Variants in RYR3 observed in about 807,000 individuals in gnomAD.
RYR3 encodes brain ryanodine receptor-calcium release channel.
In RYR3, 207 loss-of-function variants were observed where a neutral mutation model predicts 584.3. The ratio of observed to expected loss-of-function variants is 0.35; its 90% CI spans 0.32 to 0.40. The LOEUF (loss-of-function observed/expected upper bound fraction) is 0.40, where lower values mean the gene tolerates loss of function less well. RYR3 is among the 10% of genes least tolerant of loss of function. The pLI is 1.00. For missense variants in RYR3, 5,616 were observed against 6,089.2 expected, an observed-to-expected ratio of 0.92 and a Z score of 2.59; for synonymous variants, 2,416 against 2,248.5, an observed-to-expected ratio of 1.07 and a Z score of -2.11.
intron 1 of RYR3, among the ~76,000 whole-genome samples, chr15:33,404,374 T>C (rs1204748835): frequency 4.6e-5 from 7 of 152,222 alleles, no homozygotes; most frequent in Non-Finnish European, 7.3e-5. Flanking sequence ...AGCTGTTAAG[T>C]AACTTGGCCA....
intron 3 of RYR3, among the ~76,000 whole-genome samples, chr15:33,512,674 A>G (rs2053140190): frequency 1.3e-5 from 2 of 152,218 alleles, no homozygotes; most frequent in African/African-American, 4.8e-5. Context: ...TGCTGTGGAC[A>G]TTGGAATGCT....
In RYR3 at chr15:33,553,741, G is replaced by A. The variant is rs578124352; in HGVS notation, c.972+3425G>A. 2.6e-5 allele frequency among the ~76,000 whole-genome samples: 4 copies of A among 152,268 alleles called. No homozygotes were observed. The South Asian group carries it at 8.3e-4, about 32-fold the overall frequency. On this transcript the variant is annotated intron_variant, in intron 10 of 103. Coordinates refer to ENST00000634891, the MANE Select transcript of RYR3 (RefSeq NM_001036.6). ...CTTATCCCTTTGATCTGAGAGTGGT[G>A]TTGTGTAAGACAAAGCCTGGCTTCA...
chr15:33,659,204 G>A (rs546023191), intron 32 of RYR3, among the ~76,000 whole-genome samples: 15 of 152,286 alleles, frequency 9.8e-5, no homozygotes, highest in Admixed American at 2.0e-4. Flanking sequence ...CTGAAATGTC[G>A]GCAGTGCCAA....
chr15:33,729,685 C>T (rs1005075357), intron 47 of RYR3, among the ~76,000 whole-genome samples: 1 of 151,932 alleles, frequency 6.6e-6, no homozygotes, highest in Non-Finnish European at 1.5e-5. Context: ...AGCTCAGATA[C>T]GAGATGCCAC....
intron 38 of RYR3, among the ~76,000 whole-genome samples, chr15:33,675,666 T>C (rs2064130927): frequency 6.6e-6 from 1 of 152,178 alleles, no homozygotes; most frequent in Non-Finnish European, 1.5e-5. Flanking sequence ...ACTTACCTCA[T>C]TGGGTTGATA....
At chr15:33,692,281 G>C (rs2065489750) in intron 38 of RYR3, among the ~76,000 whole-genome samples, 1 of 152,156 alleles carries the variant, frequency 6.6e-6, no homozygotes, top group Admixed American at 6.5e-5. Flanking sequence ...GGGGTATAAA[G>C]CTCCATTTTC....
intron 60 of RYR3, 107 bp from the exon 61 acceptor site, chr15:33,768,551 A>T: frequency 1.0e-6 from 1 of 959,934 alleles, no homozygotes; most frequent in Non-Finnish European, 1.7e-6. Context: ...CTAGAATGCC[A>T]CTCTGTGCTC....
intron 42 of RYR3, among the ~76,000 whole-genome samples, chr15:33,701,397 GAT>G (rs762692473): frequency 1.3e-4 from 20 of 152,140 alleles, no homozygotes; most frequent in Non-Finnish European, 2.4e-4. Flanking sequence ...GTAATTTACA[GAT>G]TTATAAATCT....
At chr15:33,544,862 G>A (rs534378244) in intron 8 of RYR3, among the ~76,000 whole-genome samples, 5 of 118,266 alleles carry the variant, frequency 4.2e-5, no homozygotes, top group African/African-American at 1.1e-4. Context: ...CTGGTCCGGC[G>A]GTTGATAGTT....
chr15:33,534,260 G>T (rs895844082), intron 5 of RYR3, among the ~76,000 whole-genome samples: 6 of 152,186 alleles, frequency 3.9e-5, no homozygotes, highest in Admixed American at 3.3e-4. Context: ...AATTAGCTGG[G>T]TGTGGTGGCA....
In RYR3 at chr15:33,613,326, A is replaced by C. The variant is rs1233547912; in HGVS notation, c.2308A>C (p.Asn770His). ...QPVQGMFENF[N>H]TDGLFFPVMS... is the part of the protein sequence containing the mutation. Reference sequence around the variant, plus strand: ...CGTGCAGGGGATGTTTGAGAACTTCAACACAGACGGGCTCTTCTTCCCTGT... The same window carrying C: ...CGTGCAGGGGATGTTTGAGAACTTCCACACAGACGGGCTCTTCTTCCCTGT... Residue 770 changes from asparagine to histidine, a missense_variant, in exon 19 of 104, where the codon AAC becomes CAC. Asn to His is a moderately conservative substitution (Grantham distance 68). Coordinates refer to ENST00000634891, the MANE Select transcript of RYR3 (RefSeq NM_001036.6). 2 of 1,613,526 alleles carry C rather than the reference A, an allele frequency of 1.2e-6. No homozygotes were observed. The highest frequency in any genetic ancestry group is 1.7e-6 in the Non-Finnish European group (2 of 1,179,668).
chr15:33,634,563 C>T (rs745473857), intron 24 of RYR3, 23 bp from the exon 25 acceptor site: 1 of 1,613,192 alleles, frequency 6.2e-7, no homozygotes, highest in Non-Finnish European at 8.5e-7. Flanking sequence ...TTCTTGGCAC[C>T]TTTTTTCTCT....
intron 2 of RYR3, among the ~76,000 whole-genome samples, chr15:33,475,810 G>C (rs112106850): frequency 1.3e-5 from 2 of 152,182 alleles, no homozygotes; most frequent in Non-Finnish European, 2.9e-5. Flanking sequence ...AAATGGGTTC[G>C]TAAATCGCCT....
At chr15:33,840,950 G>A (rs2078324508) in intron 90 of RYR3, 67 bp downstream of exon 90, 1 of 1,425,610 alleles carries the variant, frequency 7.0e-7, no homozygotes, top group Non-Finnish European at 9.8e-7. Flanking sequence ...AGGCAGAGTG[G>A]CTCGCACCTG....
chr15:33,801,938 G>A lies in RYR3; in HGVS notation c.9988G>A (p.Asp3330Asn). 6.3e-7 allele frequency: 1 copy of A among 1,594,212 alleles called. No homozygotes were observed. The highest frequency in any genetic ancestry group is 8.6e-7 in the Non-Finnish European group (1 of 1,167,126). The change falls in exon 69 of 104, where the codon GAC becomes AAC. Residue 3330 changes from aspartate to asparagine, a missense_variant. Asp to Asn is a conservative substitution (Grantham distance 23). Coordinates refer to ENST00000634891, the MANE Select transcript of RYR3 (RefSeq NM_001036.6). Reference protein sequence around the residue: ...EINNLAFLTGDSKSKMSKAMQ... With the variant: ...EINNLAFLTGNSKSKMSKAMQ... The stretch of plus-strand genomic sequence containing the variant: ...TAATAATTTGGCATTTTTAACTGGA[G>A]ACAGCAAAAGCAAGATGTCAAAAGT...
intron 18 of RYR3, among the ~76,000 whole-genome samples, chr15:33,610,673 G>A (rs2060136977): frequency 2.0e-5 from 3 of 152,140 alleles, no homozygotes; most frequent in Non-Finnish European, 2.9e-5. Context: ...TCCCTTATTC[G>A]AAGTTCTTAG....
chr15:33,844,700 G>A, intron 92 of RYR3, 162 bp from the exon 93 acceptor site: 2 of 630,286 alleles, frequency 3.2e-6, no homozygotes, highest in South Asian at 2.1e-5. Context: ...GATACTGGGT[G>A]ATTCCTAGTA....
At position 33,439,813 on chromosome 15, in the gene RYR3, CA is replaced by C. The variant is rs1018526060; in HGVS notation, c.52-33599del. The stretch of plus-strand genomic sequence containing the variant: ...TTGACTAACATATGGCAAATATACA[CA>C]AAAAAATCATAGTTATGGTAATATT... On this transcript the variant is annotated intron_variant, in intron 1 of 103. Coordinates refer to ENST00000634891, the MANE Select transcript of RYR3 (RefSeq NM_001036.6). Among the ~76,000 whole-genome samples, 4 of 152,044 alleles carry C rather than the reference CA, an allele frequency of 2.6e-5. No homozygotes were observed. The East Asian group carries it at 7.7e-4, about 29-fold the overall frequency.
intron 38 of RYR3, among the ~76,000 whole-genome samples, chr15:33,670,817 G>A (rs2063796469): frequency 6.6e-6 from 1 of 152,074 alleles, no homozygotes; most frequent in African/African-American, 2.4e-5. Flanking sequence ...TCTACTTAGA[G>A]GTGCCTGTAA....
Sources: allele counts gnomAD v4.1 joint callset (sites outside exome capture counted in the v4.1 genomes callset), GRCh38; gene constraint gnomAD v4.1.1; transcripts MANE v1.5; gene names NCBI Gene and HGNC (gene_info 2026-07-23, HGNC 2026-07-21).